FLNB: variants seen among roughly 807,000 people sequenced by gnomAD.
FLNB encodes the protein filamin B.
FLNB carries 111 observed loss-of-function variants against 250.6 expected under a neutral mutation model. The observed-to-expected ratio is 0.44, with a 90% CI of 0.38 to 0.52. The LOEUF (loss-of-function observed/expected upper bound fraction) is 0.52, where lower values mean the gene tolerates loss of function less well. Ranked by LOEUF, FLNB falls within the 20% of genes least tolerant of loss-of-function variation. The pLI is 0.00. For synonymous variants in FLNB, 1,302 were observed against 1,372.1 expected (o/e 0.95, Z 1.13); for missense variants, 2,869 against 3,447.8 (o/e 0.83, Z 4.20).
In FLNB at chr3:58,124,433, G is replaced by T. The variant is rs199912711; in HGVS notation, c.3826G>T (p.Ala1276Ser). The T allele has an allele frequency of 3.5e-5, 56 of 1,614,230 alleles. No homozygotes were observed. Among genetic ancestry groups the T allele is most frequent in the Non-Finnish European group, 4.6e-5 (54 of 1,180,036 alleles). The change falls in exon 22 of 46, where the codon GCC becomes TCC. Residue 1276 changes from alanine to serine, a missense_variant. This residue lies in a region of FLNB where 1,348 missense variants were observed against 1,466.7 expected (regional missense o/e 0.92). Coordinates refer to ENST00000295956, the MANE Select transcript of FLNB (RefSeq NM_001457.4). The part of the protein sequence containing the change: ...IKAHIANPSG[A>S]STECFVTDNA... ...GGCCCACATTGCCAACCCCTCAGGG[G>T]CCTCCACCGAGTGCTTTGTCACAGA... is the stretch of plus-strand genomic sequence containing the variant.
chr3:58,072,405 T>C (rs901901905), intron 1 of FLNB, among the ~76,000 whole-genome samples: 2 of 152,242 alleles, frequency 1.3e-5, no homozygotes, highest in African/African-American at 2.4e-5. Context: ...CCGGCTCATC[T>C]GGCCTTTTCC....
At chr3:58,168,358 G>A (rs1169275632) in intron 43 of FLNB, 82 bp from the exon 44 acceptor site, 9 of 1,021,034 alleles carry the variant, frequency 8.8e-6, no homozygotes, top group African/African-American at 1.6e-5. Context: ...GGGGATCTAT[G>A]TGTGTCCCTC....
At chr3:58,166,688 GGT>G in intron 43 of FLNB, among the ~76,000 whole-genome samples, 2 of 152,168 alleles carry the variant, frequency 1.3e-5, no homozygotes, top group Admixed American at 6.5e-5. Context: ...CAGGCGTGGT[GGT>G]GCATGCCTGA....
intron 25 of FLNB, chr3:58,132,381 C>T (rs995189409): frequency 2.5e-6 from 1 of 404,818 alleles, no homozygotes; most frequent in African/African-American, 2.0e-5. Flanking sequence ...ACTAGCCAGC[C>T]CATTGGTTAA....
chr3:58,160,532 A>T (rs1302487542), intron 42 of FLNB, among the ~76,000 whole-genome samples: 1 of 152,342 alleles, frequency 6.6e-6, no homozygotes, highest in East Asian at 1.9e-4. Flanking sequence ...AATGGTAAAG[A>T]TGGTCAGAGC....
intron 1 of FLNB, among the ~76,000 whole-genome samples, chr3:58,067,040 C>T (rs1484125016): frequency 6.6e-6 from 1 of 152,164 alleles, no homozygotes; most frequent in Non-Finnish European, 1.5e-5. Flanking sequence ...AATCTCAAAT[C>T]AGGGATTAGG....
chr3:58,071,002 C>T (rs1047088700), intron 1 of FLNB, among the ~76,000 whole-genome samples: 3 of 150,900 alleles, frequency 2.0e-5, no homozygotes, highest in Non-Finnish European at 4.4e-5. Flanking sequence ...GCTTGGAGTG[C>T]AGTGGCGTGA....
At position 58,136,130 on chromosome 3, in the gene FLNB, C is replaced by T. The variant is rs369022607; in HGVS notation, c.4823C>T (p.Ala1608Val). The T allele has an allele frequency of 5.6e-6, 9 of 1,614,074 alleles. No individual in the cohort carries two copies. Among genetic ancestry groups the T allele is most frequent in the African/African-American group, 2.7e-5 (2 of 74,928 alleles). The change falls in exon 28 of 46, where the codon GCC (alanine) becomes GTC (valine). Residue 1608 changes from alanine (A) to valine (V), a missense_variant. Physicochemically the swap from Ala to Val is moderately conservative, Grantham distance 64 (BLOSUM62 0). Coordinates refer to ENST00000295956, the MANE Select transcript of FLNB (RefSeq NM_001457.4). ...CCACTTTCTCCTTATCGCATCCGAG[C>T]CACACAGACGGGTGATGCCAGCAAG... ...DIPLSPYRIR[A>V]TQTGDASKCL...
intron 42 of FLNB, among the ~76,000 whole-genome samples, chr3:58,160,827 T>TA (rs922356442): frequency 1.6e-4 from 24 of 147,602 alleles, no homozygotes; most frequent in East Asian, 3.9e-4. Context: ...CAAAAAAAAG[T>TA]AAAAAAAAAA....
chr3:58,116,770 A>C (rs779610310), intron 18 of FLNB, among the ~76,000 whole-genome samples: 2 of 152,028 alleles, frequency 1.3e-5, no homozygotes, highest in African/African-American at 2.4e-5. Context: ...AGCAGCTTAA[A>C]TTTCTCACCG....
chr3:58,106,352 C>CTATATATATATATATATATATA lies in FLNB; in HGVS notation c.1748-324_1748-303dup, dbSNP rs10540627. 7.9e-3 allele frequency among the ~76,000 whole-genome samples: 1,048 copies of CTATATATATATATATATATATA among 132,654 alleles called. 18 individuals carry two copies. The highest frequency in any genetic ancestry group is 0.012 in the Non-Finnish European group (707 of 61,118). 87.0% of individuals were successfully genotyped at this position (132,654 alleles called of 152,430 possible). On this transcript the variant is annotated intron_variant, in intron 11 of 45. Transcript: ENST00000295956. ...TAAAATACATATAATGTATTTAATA[C>CTATATATATATATATATATATA]TATATATATATATATATATATATAT...
At chr3:58,143,752 C>T in intron 32 of FLNB, 139 bp downstream of exon 32, 1 of 1,034,342 alleles carries the variant, frequency 9.7e-7, no homozygotes, top group Non-Finnish European at 1.5e-6. Flanking sequence ...CCTGTGAAAC[C>T]AAACAGTCTG....
Position 58,145,963 on chromosome 3 carries a change from G to A in FLNB, c.5468G>A (p.Ser1823Asn). The part of the protein sequence containing the change: ...QFYVNYPNSG[S>N]VSAYGPGLVY... ...TACGTGAACTACCCCAACAGTGGAA[G>A]TGTTTCTGCATACGGTCCAGGCCTC... The change falls in exon 33 of 46, where the codon AGT becomes AAT. Residue 1823 changes from serine (S) to asparagine (N), a missense_variant. Ser to Asn is a conservative substitution (Grantham distance 46). Coordinates refer to ENST00000295956, the MANE Select transcript of FLNB (RefSeq NM_001457.4). 1 of 1,614,226 alleles carries A rather than the reference G, an allele frequency of 6.2e-7. No homozygotes were observed. Among genetic ancestry groups the A allele is most frequent in the Non-Finnish European group, 8.5e-7 (1 of 1,180,030 alleles).
chr3:58,011,469 C>A (rs759350725), intron 1 of FLNB, among the ~76,000 whole-genome samples: 1 of 152,154 alleles, frequency 6.6e-6, no homozygotes, highest in Non-Finnish European at 1.5e-5. Context: ...ATTGCTCTCC[C>A]GAGAGATCTT....
rs973736548 is a variant in FLNB, at chr3:58,172,176, G to A, written c.*1414G>A. Reference sequence around the variant, plus strand: ...CCACGGGTGTTGTAAGCTGGGACACGGAAGCCAAACTGGAATCAAACGCCG... The same window carrying A: ...CCACGGGTGTTGTAAGCTGGGACACAGAAGCCAAACTGGAATCAAACGCCG... On this transcript the variant is annotated 3_prime_UTR_variant, in exon 46 of 46. Coordinates refer to ENST00000295956, the MANE Select transcript of FLNB (RefSeq NM_001457.4). 2 of 152,546 alleles carry A rather than the reference G, an allele frequency of 1.3e-5. No individual in the cohort carries two copies. The highest frequency in any genetic ancestry group is 2.1e-4 in the South Asian group (1 of 4,816). 9.4% of individuals were successfully genotyped at this position (152,546 alleles called of 1,614,324 possible). A position where few individuals can be genotyped will look rare whatever the true frequency, so the allele number is the denominator to read the frequency against.
intron 1 of FLNB, among the ~76,000 whole-genome samples, chr3:58,029,059 G>A (rs1250338065): frequency 6.6e-6 from 1 of 151,442 alleles, no homozygotes; most frequent in Non-Finnish European, 1.5e-5. Context: ...TGAAGCCGGA[G>A]TGACAGAGTG....
chr3:58,056,390 C>T (rs979206646), intron 1 of FLNB, among the ~76,000 whole-genome samples: 2 of 151,918 alleles, frequency 1.3e-5, no homozygotes, highest in East Asian at 1.9e-4. Flanking sequence ...TGTGAGCCAC[C>T]GCACCCGGCC....
At chr3:58,034,561 C>T (rs1215729192) in intron 1 of FLNB, among the ~76,000 whole-genome samples, 1 of 152,142 alleles carries the variant, frequency 6.6e-6, no homozygotes, top group Non-Finnish European at 1.5e-5. Flanking sequence ...GAAACCGAGG[C>T]ACTGAGAGGT....
chr3:58,160,932 G>C (rs1298240621), intron 42 of FLNB, among the ~76,000 whole-genome samples: 2 of 152,168 alleles, frequency 1.3e-5, no homozygotes, highest in Non-Finnish European at 2.9e-5. Context: ...GCTGTGAGCT[G>C]TGATCATGCC....
Sources: gnomAD v4.1 joint callset for allele counts (sites outside exome capture counted in the v4.1 genomes callset) on GRCh38, gnomAD v4.1.1 for gene constraint, gnomAD v4.1.1 regional missense constraint, MANE v1.5 for transcripts, NCBI Gene and HGNC (gene_info 2026-07-23, HGNC 2026-07-21) for gene names.